Variants in FOXA1 observed in about 807,000 individuals in gnomAD.
The protein encoded by FOXA1 is hepatocyte nuclear factor 3-alpha.
FOXA1 carries 9 observed loss-of-function variants against 29.2 expected under a neutral mutation model. That is an observed-to-expected ratio of 0.31 (90% CI 0.19 to 0.54). The LOEUF (loss-of-function observed/expected upper bound fraction) is 0.54, where lower values mean the gene tolerates loss of function less well. FOXA1 is among the 20% of genes least tolerant of loss of function. The probability of loss-of-function intolerance (pLI) is 0.95; values close to 1 mark genes in which losing one functional copy is unlikely to be tolerated. For missense variants in FOXA1, 644 were observed against 681.2 expected, an observed-to-expected ratio of 0.95 and a Z score of 0.61; for synonymous variants, 340 against 300.9, an observed-to-expected ratio of 1.13 and a Z score of -1.34.
At position 37,592,458 on chromosome 14, in the gene FOXA1, C is replaced by T; in HGVS notation, c.326G>A (p.Ser109Asn). 2 of 1,604,986 alleles carry T rather than the reference C, an allele frequency of 1.2e-6. No individual in the cohort carries two copies. The highest frequency in any genetic ancestry group is 1.7e-6 in the Non-Finnish European group (2 of 1,178,616). ...ACCCATGGCGCCCATGCCGCTCGGG[C>T]TCAGCGCCGTACCCATGGCCGTCAC... ...AGVTAMGTAL[S>N]PSGMGAMGAQ... The change falls in exon 2 of 2, where the codon AGC (serine) becomes AAC (asparagine). Residue 109 changes from serine (S) to asparagine (N), a missense_variant. By Grantham distance (46) the Ser-to-Asn change is conservative. Around this residue, in one of 5 missense-constraint regions of FOXA1, gnomAD observed 309 missense variants for 307.0 expected, o/e 1.01. Coordinates refer to ENST00000250448, the MANE Select transcript of FOXA1 (RefSeq NM_004496.5).
chr14:37,594,212 C>G (rs2095599387), intron 1 of FOXA1: 1 of 1,284,938 alleles, frequency 7.8e-7, no homozygotes, highest in Non-Finnish European at 1.0e-6. Flanking sequence ...AGGTGGTAGT[C>G]CTCCCTGTAA....
Position 37,591,023 on chromosome 14 carries a change from C to A in FOXA1, c.*342G>T. ...TCCTTTTTTGTTTTTTTAAATAACC[C>A]TCCACAAACTAGAATGTCTGGAGGG... is the stretch of plus-strand genomic sequence containing the variant. On this transcript the variant is annotated 3_prime_UTR_variant, in exon 2 of 2. Coordinates refer to ENST00000250448, the MANE Select transcript of FOXA1 (RefSeq NM_004496.5). 2.4e-6 allele frequency: 1 copy of A among 417,496 alleles called. No homozygotes were observed. Among genetic ancestry groups the A allele is most frequent in the Non-Finnish European group, 4.4e-6 (1 of 226,974 alleles). 25.9% of individuals were successfully genotyped at this position (417,496 alleles called of 1,614,324 possible). A position where few individuals can be genotyped will look rare whatever the true frequency, so the allele number is the denominator to read the frequency against.
intron 1 of FOXA1, 90 bp downstream of exon 1, chr14:37,594,811 T>C: frequency 1.9e-6 from 2 of 1,049,480 alleles, no homozygotes; most frequent in African/African-American, 1.8e-5. Flanking sequence ...CCCGCCTGCC[T>C]GCCTTGCCTG....
intron 1 of FOXA1, 21 bp downstream of exon 1, chr14:37,594,880 C>CCGCCT: frequency 2.6e-6 from 4 of 1,551,316 alleles, no homozygotes; most frequent in Non-Finnish European, 3.5e-6. Flanking sequence ...CACCGGCCGC[C>CCGCCT]CGCCTCGCCT....
rs375573060 is a variant in FOXA1 at position 37,592,720 on chromosome 14, G to C, written c.73-9C>G. The C allele has an allele frequency of 6.2e-7, 1 of 1,609,472 alleles. No individual in the cohort carries two copies. Among genetic ancestry groups the C allele is most frequent in the East Asian group, 2.2e-5 (1 of 44,842 alleles). On this transcript the variant is annotated splice_polypyrimidine_tract_variant and intron_variant, in intron 1 of 1. Transcript: ENST00000250448. ...GGGACGGAGGAGTAGGCCTGGAGTG[G>C]AGACAGCGAGTGAAGAAGCCCCGGA...
Position 37,592,684 on chromosome 14 carries a change from T to C in FOXA1, c.100A>G (p.Met34Val). 1 of 1,613,810 alleles carries C rather than the reference T, an allele frequency of 6.2e-7. No individual in the cohort carries two copies. Among genetic ancestry groups the C allele is most frequent in the African/African-American group, 1.3e-5 (1 of 75,070 alleles). The change falls in exon 2 of 2, where the codon ATG becomes GTG. Residue 34 changes from methionine (M) to valine (V), a missense_variant. Physicochemically the swap from Met to Val is conservative, Grantham distance 21. Coordinates refer to ENST00000250448, the MANE Select transcript of FOXA1 (RefSeq NM_004496.5). ...EAYSSVPVSN[M>V]NSGLGSMNSM... The stretch of plus-strand genomic sequence containing the variant: ...TTCATGGAGCCCAGGCCTGAGTTCA[T>C]GTTGCTGACCGGGACGGAGGAGTAG...
At chr14:37,593,525 G>T (rs1295304913) in intron 1 of FOXA1, among the ~76,000 whole-genome samples, 5 of 151,678 alleles carry the variant, frequency 3.3e-5, no homozygotes, top group African/African-American at 1.2e-4. Flanking sequence ...TGTTGCTGCC[G>T]ATGATTTCAA....
At position 37,592,462 on chromosome 14, in the gene FOXA1, G is replaced by A. The variant is rs776629836; in HGVS notation, c.322C>T (p.Leu108=). 1 of 1,605,550 alleles carries A rather than the reference G, an allele frequency of 6.2e-7. No individual in the cohort carries two copies. The highest frequency in any genetic ancestry group is 8.5e-7 in the Non-Finnish European group (1 of 1,178,750). ...AAGVTAMGTA[L]SPSGMGAMGA... is the part of the protein sequence containing the mutation. ...ATGGCGCCCATGCCGCTCGGGCTCA[G>A]CGCCGTACCCATGGCCGTCACGCCG... Residue 108 remains leucine (L), a synonymous_variant, in exon 2 of 2, where the codon CTG becomes TTG. Coordinates refer to ENST00000250448, the MANE Select transcript of FOXA1 (RefSeq NM_004496.5).
At chr14:37,592,746 G>T (rs35502972) in intron 1 of FOXA1, 35 bp from the exon 2 acceptor site, 1 of 1,604,462 alleles carries the variant, frequency 6.2e-7, no homozygotes, top group African/African-American at 1.3e-5. Context: ...AAGCCCCGGA[G>T]GGCGGGGTTA....
chr14:37,594,538 T>A (rs1257364822), intron 1 of FOXA1: 1 of 274,682 alleles, frequency 3.6e-6, no homozygotes, highest in Admixed American at 6.4e-5. Context: ...TGCTCCGGCT[T>A]TCTCAGAGTT....
chr14:37,590,542 A>C lies in FOXA1; in HGVS notation c.*823T>G. On this transcript the variant is annotated 3_prime_UTR_variant, in exon 2 of 2. Transcript: ENST00000250448. ...AGTTCTTGAGGGCAATTCCTGAGGA[A>C]TTGATTCCCAGGGCCATCTGTGGGT... 1 of 225,636 alleles carries C rather than the reference A, an allele frequency of 4.4e-6. No homozygotes were observed. The highest frequency in any genetic ancestry group is 8.8e-6 in the Non-Finnish European group (1 of 113,312). 14.0% of individuals were successfully genotyped at this position (225,636 alleles called of 1,614,324 possible). A position where few individuals can be genotyped will look rare whatever the true frequency, so the allele number is the denominator to read the frequency against.
rs749090160 is a variant in FOXA1, at chr14:37,591,411, G to A, written c.1373C>T (p.Ala458Val). 3.1e-6 allele frequency: 5 copies of A among 1,614,048 alleles called. No individual in the cohort carries two copies. Among genetic ancestry groups the A allele is most frequent in the Admixed American group, 1.7e-5 (1 of 60,032 alleles). ...TCTGGAATACACACCTTGGTAGTACGCCGGCTCCAGGGCTGAGGGCTCGAT... is the reference window on the plus strand; with the variant it reads ...TCTGGAATACACACCTTGGTAGTACACCGGCTCCAGGGCTGAGGGCTCGAT... The part of the protein sequence containing the change: ...SPIEPSALEP[A>V]YYQGVYSRPV... Residue 458 changes from alanine (A) to valine (V), a missense_variant, in exon 2 of 2, where the codon GCG becomes GTG. Physicochemically the swap from Ala to Val is moderately conservative, Grantham distance 64. Transcript: ENST00000250448.
rs373474344 is a variant in FOXA1, at chr14:37,590,560, C to T, written c.*805G>A. On this transcript the variant is annotated 3_prime_UTR_variant, in exon 2 of 2. Transcript: ENST00000250448. Reference sequence around the variant, plus strand: ...CTGAGGAATTGATTCCCAGGGCCATCTGTGGGTAGAGAGGACAAAGGGGTT... The same window carrying T: ...CTGAGGAATTGATTCCCAGGGCCATTTGTGGGTAGAGAGGACAAAGGGGTT... The T allele has an allele frequency of 4.4e-6, 1 of 227,022 alleles. No homozygotes were observed. Among genetic ancestry groups the T allele is most frequent in the African/African-American group, 2.2e-5 (1 of 45,024 alleles). The allele number at this position is 227,022 out of a possible 1,614,324, so 14.1% of individuals were successfully genotyped here.
rs1404783006 is a variant in FOXA1, at chr14:37,591,722, G to A, written c.1062C>T (p.Ser354=). The A allele has an allele frequency of 6.3e-7, 1 of 1,579,692 alleles. No individual in the cohort carries two copies. The highest frequency in any genetic ancestry group is 8.6e-7 in the Non-Finnish European group (1 of 1,163,056). The stretch of plus-strand genomic sequence containing the variant: ...CGGAGCTTATGGGGGGCGCAGTTGA[G>A]GAGGCTGGAGTCTTCAACTCCGAGG... ...GGASELKTPA[S]STAPPISSGP... Residue 354 remains serine (S), a synonymous_variant, in exon 2 of 2, where the codon TCC becomes TCT. Coordinates refer to ENST00000250448, the MANE Select transcript of FOXA1 (RefSeq NM_004496.5).
chr14:37,589,645 G>A lies in FOXA1; in HGVS notation c.*1720C>T, dbSNP rs1171081349. On this transcript the variant is annotated 3_prime_UTR_variant, in exon 2 of 2. Transcript: ENST00000250448. ...GAAAAGTGATACATTGGGGAAGGAG[G>A]AAAGGTAGTTAAATTAATATTTGAT... is the stretch of plus-strand genomic sequence containing the variant. 6.7e-6 allele frequency among the ~76,000 whole-genome samples: 1 copy of A among 150,062 alleles called. No homozygotes were observed. The highest frequency in any genetic ancestry group is 2.4e-5 in the African/African-American group (1 of 40,832).
chr14:37,593,867 G>T, intron 1 of FOXA1: 1 of 236,020 alleles, frequency 4.2e-6, no homozygotes. Flanking sequence ...AAGGAATAAT[G>T]ATGTCCTTAA....
Position 37,592,273 on chromosome 14 carries a change from G to A in FOXA1, c.511C>T (p.Pro171Ser), listed in dbSNP as rs2095596569. The change falls in exon 2 of 2, where the codon CCG becomes TCG. Residue 171 changes from proline to serine, a missense_variant. Physicochemically the swap from Pro to Ser is moderately conservative, Grantham distance 74 (BLOSUM62 -1). Coordinates refer to ENST00000250448, the MANE Select transcript of FOXA1 (RefSeq NM_004496.5). ...ATGAGCGAGATGTACGAGTAGGGCG[G>A]CTTGGCGTGCGGGTAGCTGCGCTTG... The part of the protein sequence containing the change: ...TFKRSYPHAK[P>S]PYSYISLITM... 6.2e-7 allele frequency: 1 copy of A among 1,613,492 alleles called. No homozygotes were observed. Among genetic ancestry groups the A allele is most frequent in the Non-Finnish European group, 8.5e-7 (1 of 1,179,662 alleles).
Position 37,591,673 on chromosome 14 carries a change from G to T in FOXA1, c.1111C>A (p.Pro371Thr), listed in dbSNP as rs1421573698. 3 of 1,590,926 alleles carry T rather than the reference G, an allele frequency of 1.9e-6. No individual in the cohort carries two copies. The highest frequency in any genetic ancestry group is 2.6e-6 in the Non-Finnish European group (3 of 1,168,360). ...AAGCCGTGTGCCGGGTGAGAGGCGG[G>T]CACAGAGGCCAGCGCCCCGGGCCCG... ...SSGPGALASV[P>T]ASHPAHGLAP... The change falls in exon 2 of 2, where the codon CCC (proline) becomes ACC (threonine). Residue 371 changes from proline (P) to threonine (T), a missense_variant. Around this residue, in one of 5 missense-constraint regions of FOXA1, gnomAD observed 295 missense variants for 294.4 expected, o/e 1.00. Coordinates refer to ENST00000250448, the MANE Select transcript of FOXA1 (RefSeq NM_004496.5).
Position 37,594,890 on chromosome 14 carries a change from T to C in FOXA1, c.72+11A>G. The stretch of plus-strand genomic sequence containing the variant: ...CGCCCCACCGGCCGCCCGCCTCGCC[T>C]TGCCTCTCACCTCCTGCGTGTCTGC... On this transcript the variant is annotated intron_variant, in intron 1 of 1. Transcript: ENST00000250448. The C allele has an allele frequency of 6.4e-7, 1 of 1,553,956 alleles. No homozygotes were observed. The highest frequency in any genetic ancestry group is 8.7e-7 in the Non-Finnish European group (1 of 1,143,536).
Sources: gnomAD v4.1 joint callset for allele counts (sites outside exome capture counted in the v4.1 genomes callset) on GRCh38, gnomAD v4.1.1 for gene constraint, gnomAD v4.1.1 regional missense constraint, MANE v1.5 for transcripts, NCBI Gene and HGNC (gene_info 2026-07-23, HGNC 2026-07-21) for gene names.